The following WDR19 variants were observed in gnomAD, a reference collection of about 807,000 sequenced individuals.
WDR19 encodes WD repeat domain 19, also known as WD repeat-containing protein 19.
In WDR19, 121 loss-of-function variants were observed where a neutral mutation model predicts 180.0. The ratio of observed to expected loss-of-function variants is 0.67; its 90% confidence interval spans 0.58 to 0.78. WDR19 has a LOEUF of 0.78. WDR19 is among the 30% of genes least tolerant of loss of function. The pLI, the probability that WDR19 is intolerant of heterozygous loss-of-function variation, is 0.00. For synonymous variants in WDR19, 497 were observed against 540.7 expected (o/e 0.92, Z 1.12); for missense variants, 1,450 against 1,640.7 (o/e 0.88, Z 2.01).
intron 4 of WDR19, among the ~76,000 whole-genome samples, chr4:39,193,309 A>C (rs955235975): frequency 6.6e-6 from 1 of 151,612 alleles, no homozygotes; most frequent in African/African-American, 2.4e-5. Context: ...CTACAGGTGC[A>C]TGCCACCTCA....
At chr4:39,233,075 C>A (rs1019005415) in intron 19 of WDR19, among the ~76,000 whole-genome samples, 8 of 152,080 alleles carry the variant, frequency 5.3e-5, no homozygotes, top group Non-Finnish European at 1.0e-4. Context: ...ATTCATTTAA[C>A]CCTCCCAACA....
intron 36 of WDR19, among the ~76,000 whole-genome samples, chr4:39,280,119 G>GTTTTTTTTTT (rs551041321): frequency 3.7e-5 from 2 of 53,962 alleles, no homozygotes; most frequent in Non-Finnish European, 7.2e-5. Context: ...CCCTTTTCTT[G>GTTTTTTTTTT]TTTTTTTTTT....
intron 28 of WDR19, among the ~76,000 whole-genome samples, chr4:39,259,077 A>G (rs775055447): frequency 3.9e-5 from 6 of 152,228 alleles, no homozygotes; most frequent in Non-Finnish European, 7.3e-5. Flanking sequence ...TCAAAAAAGA[A>G]AAAAAACAGA....
chr4:39,277,163 T>C lies in WDR19; in HGVS notation c.3840+20T>C, dbSNP rs761093134. 1.3e-6 allele frequency: 2 copies of C among 1,578,320 alleles called. No homozygotes were observed. Among genetic ancestry groups the C allele is most frequent in the South Asian group, 1.2e-5 (1 of 85,214 alleles). ...GCAACAGTGAGTTCCTTTATAGTAATTTCCCTTTCTTTGCATATATATTTG... is the reference window on the plus strand; with the variant it reads ...GCAACAGTGAGTTCCTTTATAGTAACTTCCCTTTCTTTGCATATATATTTG... On this transcript the variant is annotated intron_variant, in intron 34 of 36. Transcript: ENST00000399820.
chr4:39,220,320 A>G (rs942583649), intron 14 of WDR19, among the ~76,000 whole-genome samples: 1 of 151,890 alleles, frequency 6.6e-6, no homozygotes, highest in South Asian at 2.1e-4. Context: ...AATTATGATT[A>G]TCATTATTGT....
At chr4:39,209,931 G>A (rs1002220145) in intron 9 of WDR19, among the ~76,000 whole-genome samples, 2 of 151,934 alleles carry the variant, frequency 1.3e-5, no homozygotes, top group Non-Finnish European at 1.5e-5. Flanking sequence ...AGAAGAAATG[G>A]GACAATTCTT....
chr4:39,211,970 A>AT (rs1462450247), intron 9 of WDR19, among the ~76,000 whole-genome samples: 1 of 146,302 alleles, frequency 6.8e-6, no homozygotes, highest in Non-Finnish European at 1.5e-5. Flanking sequence ...AGAGAGAGAG[A>AT]GAGAGAGAGA....
At chr4:39,281,236 T>TATATAGAGAGAGAGAGAGAGAG (rs762298152) in intron 36 of WDR19, among the ~76,000 whole-genome samples, 139 of 103,820 alleles carry the variant, frequency 1.3e-3, no homozygotes, top group Non-Finnish European at 1.8e-3. Flanking sequence ...TATATATATA[T>TATATAGAGAGAGAGAGAGAGAG]AGAGAGAGAG....
chr4:39,226,697 G>A (rs1428975713), intron 15 of WDR19, among the ~76,000 whole-genome samples: 1 of 152,130 alleles, frequency 6.6e-6, no homozygotes, highest in African/African-American at 2.4e-5. Flanking sequence ...GTCTTCTAGA[G>A]TATAAGGTTA....
rs1314442616 is a variant in WDR19, at chr4:39,274,872, T to C, written c.3630T>C (p.Ala1210=). The change falls in exon 33 of 37, where the codon GCT becomes GCC. Residue 1210 remains alanine (A), a synonymous_variant. Transcript: ENST00000399820. ...ACAGGGCAGGCCTGAAGAACTCTGC[T>C]TTCAGCTTCGCAGCTATGTTGATGA... ...ECHRAGLKNS[A]FSFAAMLMRP... 3 of 1,613,924 alleles carry C rather than the reference T, an allele frequency of 1.9e-6. No individual in the cohort carries two copies. In the African/African-American group the frequency reaches 4.0e-5, roughly 22 times the overall value.
chr4:39,280,119 G>GTTTTTTTTTTTTTT (rs551041321), intron 36 of WDR19, among the ~76,000 whole-genome samples: 1 of 53,974 alleles, frequency 1.9e-5, no homozygotes, highest in African/African-American at 6.3e-5. Flanking sequence ...CCCTTTTCTT[G>GTTTTTTTTTTTTTT]TTTTTTTTTT....
intron 9 of WDR19, among the ~76,000 whole-genome samples, chr4:39,210,898 A>G (rs780633035): frequency 6.6e-6 from 1 of 152,068 alleles, no homozygotes; most frequent in African/African-American, 2.4e-5. Flanking sequence ...GCACCTTGGG[A>G]GGCCAAGGCG....
At chr4:39,284,732 G>GTAT (rs1415660202) in intron 36 of WDR19, among the ~76,000 whole-genome samples, 1 of 150,854 alleles carries the variant, frequency 6.6e-6, no homozygotes, top group East Asian at 2.0e-4. Flanking sequence ...GTGGAACCTT[G>GTAT]TATTTTTAAA....
chr4:39,272,502 C>T (rs1424196746), intron 31 of WDR19, among the ~76,000 whole-genome samples: 4 of 152,228 alleles, frequency 2.6e-5, no homozygotes, highest in Non-Finnish European at 5.9e-5. Context: ...TCTCGAGGCT[C>T]ACCCCATCCT....
At chr4:39,197,663 A>AT (rs1412558350) in intron 5 of WDR19, among the ~76,000 whole-genome samples, 3 of 152,078 alleles carry the variant, frequency 2.0e-5, no homozygotes, top group Non-Finnish European at 4.4e-5. Context: ...TGAAAAAAAA[A>AT]ATATATAGTT....
Position 39,274,922 on chromosome 4 carries a change from A to G in WDR19, c.3680A>G (p.Asp1227Gly), listed in dbSNP as rs749540399. The part of the protein sequence containing the change: ...LMRPEYRSKI[D>G]AKYKKKIEGM... ...AGGCCTGAATACCGCAGCAAAATAG[A>G]TGCCAAATACAAAAAGAAGATCGAG... Residue 1227 changes from aspartate to glycine, a missense_variant, in exon 33 of 37, where the codon GAT (aspartate) becomes GGT (glycine). By Grantham distance (94) the Asp-to-Gly change is moderately conservative (BLOSUM62 -1). Coordinates refer to ENST00000399820, the MANE Select transcript of WDR19 (RefSeq NM_025132.4). 11 of 1,614,050 alleles carry G rather than the reference A, an allele frequency of 6.8e-6. No individual in the cohort carries two copies. The South Asian group carries it at 9.9e-5, about 14-fold the overall frequency.
At chr4:39,213,202 A>G (rs191192847) in intron 9 of WDR19, among the ~76,000 whole-genome samples, 2 of 152,354 alleles carry the variant, frequency 1.3e-5, no homozygotes, top group East Asian at 1.9e-4. Context: ...TGGACATGCA[A>G]TTACCATATG....
At position 39,270,054 on chromosome 4, in the gene WDR19, A is replaced by G; in HGVS notation, c.3437A>G (p.Glu1146Gly). 1 of 1,613,880 alleles carries G rather than the reference A, an allele frequency of 6.2e-7. No homozygotes were observed. Among genetic ancestry groups the G allele is most frequent in the Middle Eastern group, 1.6e-4 (1 of 6,062 alleles). Reference protein sequence around the residue: ...LKSQKIKIPSEMATNLMILHS... With the variant: ...LKSQKIKIPSGMATNLMILHS... ...TCCCAGAAGATCAAAATTCCCTCCG[A>G]GATGGCCACCAACCTCATGATTCTG... Residue 1146 changes from glutamate (E) to glycine (G), a missense_variant, in exon 31 of 37, where the codon GAG (glutamate) becomes GGG (glycine). Coordinates refer to ENST00000399820, the MANE Select transcript of WDR19 (RefSeq NM_025132.4).
chr4:39,203,819 AT>A, intron 7 of WDR19, 97 bp downstream of exon 7: 2 of 1,158,800 alleles, frequency 1.7e-6, no homozygotes, highest in Non-Finnish European at 2.5e-6. Context: ...TGATAAATAA[AT>A]TAGGTCCATT....
Sources: gnomAD v4.1 joint callset for allele counts (sites outside exome capture counted in the v4.1 genomes callset) on GRCh38, gnomAD v4.1.1 for gene constraint, MANE v1.5 for transcripts, NCBI Gene and HGNC (gene_info 2026-07-23, HGNC 2026-07-21) for gene names.